The following HPCAL1 variants were observed in gnomAD, a reference collection of about 807,000 sequenced individuals.
HPCAL1 encodes the protein hippocalcin-like protein 1.
A neutral mutation model predicts 17.1 loss-of-function variants in HPCAL1; 8 were observed. The observed-to-expected ratio is 0.47, with a 90% CI of 0.27 to 0.84. The LOEUF is 0.84. HPCAL1 is among the 40% of genes least tolerant of loss of function. The pLI, the probability that HPCAL1 is intolerant of heterozygous loss-of-function variation, is 0.13. For missense variants in HPCAL1, 165 were observed against 271.1 expected, an observed-to-expected ratio of 0.61 and a Z score of 2.75; for synonymous variants, 112 against 111.4, an observed-to-expected ratio of 1.01 and a Z score of -0.03.
chr2:10,372,334 C>T (rs1166678134), intron 1 of HPCAL1, among the ~76,000 whole-genome samples: 1 of 152,208 alleles, frequency 6.6e-6, no homozygotes, highest in East Asian at 1.9e-4. Context: ...GCGAATGGAG[C>T]ACCCACTCCA....
chr2:10,323,168 C>T lies in HPCAL1; in HGVS notation c.-111+19991C>T, dbSNP rs1220956163. ...GCACAACTCTCTGACCTGGCTCCCC[C>T]GGTTCCCCAGACGCGTTCCCCACGG... On this transcript the variant is annotated intron_variant, in intron 1 of 4. Transcript: ENST00000307845. The surrounding 1 kb of genome is among the most constrained non-coding windows in gnomAD (Gnocchi z 4.6). 3.3e-5 allele frequency among the ~76,000 whole-genome samples: 5 copies of T among 152,192 alleles called. No individual in the cohort carries two copies. In the East Asian group the frequency reaches 5.8e-4, roughly 18 times the overall value.
rs546647167 is a variant in HPCAL1, at chr2:10,417,846, G to A, written c.-24-1888G>A. On this transcript the variant is annotated intron_variant, in intron 2 of 4. Transcript: ENST00000307845. ...TGCTTGAAGCTAGGAGCTTGAGACT[G>A]GCCTGGGCAAAATAGTGAGGCCCTG... Among the ~76,000 whole-genome samples, 4 of 151,968 alleles carry A rather than the reference G, an allele frequency of 2.6e-5. No individual in the cohort carries two copies. The South Asian group carries it at 6.2e-4, about 24-fold the overall frequency.
intron 1 of HPCAL1, among the ~76,000 whole-genome samples, chr2:10,338,164 T>C (rs1421769798): frequency 6.6e-6 from 1 of 152,044 alleles, no homozygotes. Flanking sequence ...AGATTCGTGA[T>C]TGCAGGGAGT....
rs1212943292 is a variant in HPCAL1 at position 10,330,735 on chromosome 2, T to G, written c.-111+27558T>G. 1.3e-5 allele frequency among the ~76,000 whole-genome samples: 2 copies of G among 152,214 alleles called. No homozygotes were observed. Among genetic ancestry groups the G allele is most frequent in the African/African-American group, 4.8e-5 (2 of 41,454 alleles). On this transcript the variant is annotated intron_variant, in intron 1 of 4. Coordinates refer to ENST00000307845, the MANE Select transcript of HPCAL1 (RefSeq NM_002149.4). The surrounding 1 kb of genome is among the most constrained non-coding windows in gnomAD (Gnocchi z 4.2). ...CAAATACAGTCACATCTGGAGGTAG[T>G]AAGGATTGGGGCTTCCACATAGGGG... is the stretch of plus-strand genomic sequence containing the variant.
At position 10,367,643 on chromosome 2, in the gene HPCAL1, A is replaced by T. The variant is rs942540503; in HGVS notation, c.-110-29192A>T. ...GATGTAAATTTTATGCTTCCTTGCA[A>T]AAATTTGTCGAAAGTGCCAGAAAAG... On this transcript the variant is annotated intron_variant, in intron 1 of 4. Transcript: ENST00000307845. The surrounding 1 kb of genome is among the most constrained non-coding windows in gnomAD (Gnocchi z 4.4). Among the ~76,000 whole-genome samples the T allele has an allele frequency of 3.3e-5, 5 of 152,304 alleles. No individual in the cohort carries two copies. Among genetic ancestry groups the T allele is most frequent in the Middle Eastern group, 3.4e-3 (1 of 294 alleles).
chr2:10,402,122 A>C (rs976534519), intron 2 of HPCAL1, among the ~76,000 whole-genome samples: 2 of 151,332 alleles, frequency 1.3e-5, no homozygotes, highest in Non-Finnish European at 2.9e-5. Context: ...CTGGTCTTGA[A>C]CTCCTGACCT....
chr2:10,421,483 G>A (rs905875211), intron 3 of HPCAL1, among the ~76,000 whole-genome samples: 3 of 152,094 alleles, frequency 2.0e-5, no homozygotes, highest in South Asian at 2.1e-4. Context: ...GGAGGATCGC[G>A]TGAGCCCGGG....
chr2:10,390,139 A>T (rs1395730102), intron 1 of HPCAL1, among the ~76,000 whole-genome samples: 2 of 152,206 alleles, frequency 1.3e-5, no homozygotes, highest in African/African-American at 4.8e-5. Flanking sequence ...GCTGGGCACT[A>T]GTCATGACCA....
chr2:10,420,223 T>TG (rs1670974995), intron 3 of HPCAL1, 88 bp downstream of exon 3: 26 of 1,247,798 alleles, frequency 2.1e-5, no homozygotes, highest in Non-Finnish European at 2.8e-5. Flanking sequence ...TTTTTTTTTT[T>TG]TTTTTTTTAA....
intron 1 of HPCAL1, among the ~76,000 whole-genome samples, chr2:10,315,898 T>C (rs1433763721): frequency 6.6e-6 from 1 of 152,006 alleles, no homozygotes; most frequent in African/African-American, 2.4e-5. Context: ...TGCCAGCTAC[T>C]CGGGAGGCTG....
rs761047145 is a variant in HPCAL1, at chr2:10,304,152, T to G, written c.-111+975T>G. On this transcript the variant is annotated intron_variant, in intron 1 of 4. Transcript: ENST00000307845. The surrounding 1 kb of genome is among the most constrained non-coding windows in gnomAD (Gnocchi z 4.1). Reference sequence around the variant, plus strand: ...TCCCGGGCGGCGCCGCCTCCGCGAGTGCCCGAGAGCGCCGCGCTGGGCGCC... The same window carrying G: ...TCCCGGGCGGCGCCGCCTCCGCGAGGGCCCGAGAGCGCCGCGCTGGGCGCC... 1.1e-4 allele frequency among the ~76,000 whole-genome samples: 16 copies of G among 152,110 alleles called. No individual in the cohort carries two copies. The highest frequency in any genetic ancestry group is 1.9e-4 in the Non-Finnish European group (13 of 67,996).
At chr2:10,317,647 A>G (rs1243411393) in intron 1 of HPCAL1, among the ~76,000 whole-genome samples, 1 of 152,086 alleles carries the variant, frequency 6.6e-6, no homozygotes, top group Non-Finnish European at 1.5e-5. Context: ...CAAACTCCTG[A>G]CCTCAGGTGA....
At chr2:10,421,257 A>G (rs6432096) in intron 3 of HPCAL1, among the ~76,000 whole-genome samples, 91,976 of 151,966 alleles carry the variant, frequency 0.61, 28,606 homozygotes, top group African/African-American at 0.73. Flanking sequence ...GCATCTCTTC[A>G]CCTTCATGCC....
At chr2:10,347,706 G>A (rs1047491142) in intron 1 of HPCAL1, among the ~76,000 whole-genome samples, 1 of 152,152 alleles carries the variant, frequency 6.6e-6, no homozygotes. Flanking sequence ...TCTGCGGGGC[G>A]GGGTTGGGCA....
Position 10,384,677 on chromosome 2 carries a change from G to T in HPCAL1, c.-110-12158G>T, listed in dbSNP as rs1668195381. Among the ~76,000 whole-genome samples, 1 of 152,206 alleles carries T rather than the reference G, an allele frequency of 6.6e-6. No homozygotes were observed. The highest frequency in any genetic ancestry group is 1.5e-5 in the Non-Finnish European group (1 of 68,022). On this transcript the variant is annotated intron_variant, in intron 1 of 4. Coordinates refer to ENST00000307845, the MANE Select transcript of HPCAL1 (RefSeq NM_002149.4). The surrounding 1 kb of genome is among the most constrained non-coding windows in gnomAD (Gnocchi z 4.4). ...GACCCTGAGCTGGGGTCTGAAGGAA[G>T]AGCAGTTCACTGGGGAGTTAGGGAG...
intron 1 of HPCAL1, among the ~76,000 whole-genome samples, chr2:10,371,181 C>T (rs1198674530): frequency 6.6e-6 from 1 of 152,148 alleles, no homozygotes; most frequent in Non-Finnish European, 1.5e-5. Context: ...TGTTGTGGCC[C>T]TGTCATTTGC....
chr2:10,426,679 G>A (rs756770620), intron 4 of HPCAL1, 45 bp from the exon 5 acceptor site: 2 of 1,482,824 alleles, frequency 1.3e-6, no homozygotes, highest in Non-Finnish European at 1.9e-6. Flanking sequence ...GAAGCATAAA[G>A]AACAGTGAGC....
intron 1 of HPCAL1, among the ~76,000 whole-genome samples, chr2:10,307,679 T>A (rs906611990): frequency 6.6e-6 from 1 of 152,198 alleles, no homozygotes; most frequent in African/African-American, 2.4e-5. Flanking sequence ...ACTTGAAATC[T>A]CTGGAGAGTT....
chr2:10,424,305 G>A (rs181069587), intron 4 of HPCAL1: 4 of 351,898 alleles, frequency 1.1e-5, no homozygotes, highest in African/African-American at 2.1e-5. Flanking sequence ...AGAAAACAAG[G>A]CTGCCTGGTG....
Sources: allele counts gnomAD v4.1 joint callset (sites outside exome capture counted in the v4.1 genomes callset), GRCh38; gene constraint gnomAD v4.1.1; non-coding constraint Gnocchi (gnomAD v3.1); transcripts MANE v1.5; gene names NCBI Gene and HGNC (gene_info 2026-07-23, HGNC 2026-07-21).